The following ARHGEF28 variants were observed in gnomAD, a reference collection of about 807,000 sequenced individuals.
ARHGEF28 encodes the protein 190 kDa guanine nucleotide exchange factor.
In ARHGEF28, 152 loss-of-function variants were observed where a neutral mutation model predicts 206.6. That is an observed-to-expected ratio of 0.74 (90% CI 0.64 to 0.84). ARHGEF28 has a LOEUF of 0.84. Ranked by LOEUF, ARHGEF28 falls within the 40% of genes least tolerant of loss-of-function variation. The pLI is 0.00. For synonymous variants in ARHGEF28, 763 were observed against 776.4 expected, an observed-to-expected ratio of 0.98 and a Z score of 0.29; for missense variants, 2,028 against 2,073.2, an observed-to-expected ratio of 0.98 and a Z score of 0.42.
chr5:73,727,064 T>G (rs1750315744), intron 2 of ARHGEF28, among the ~76,000 whole-genome samples: 1 of 152,236 alleles, frequency 6.6e-6, no homozygotes, highest in African/African-American at 2.4e-5. Context: ...ATTTTTCCTC[T>G]GCAAATATTT....
At chr5:73,867,189 T>C (rs1759760030) in intron 18 of ARHGEF28, among the ~76,000 whole-genome samples, 1 of 152,222 alleles carries the variant, frequency 6.6e-6, no homozygotes, top group South Asian at 2.1e-4. Flanking sequence ...TAAAATGCTT[T>C]GTAATGTCTG....
At position 73,768,428 on chromosome 5, in the gene ARHGEF28, C is replaced by T. The variant is rs1012336469; in HGVS notation, c.476-5427C>T. ...GCTGCCCAAGACCATGGGAAACCAC[C>T]TCTTGCATCAGTGTGACCTGGATAT... On this transcript the variant is annotated intron_variant, in intron 4 of 35. Coordinates refer to ENST00000513042, the MANE Select transcript of ARHGEF28 (RefSeq NM_001177693.2). Among the ~76,000 whole-genome samples the T allele has an allele frequency of 3.4e-4, 51 of 152,190 alleles. 1 individual carries two copies. Among genetic ancestry groups the T allele is most frequent in the African/African-American group, 1.2e-3 (51 of 41,408 alleles).
intron 9 of ARHGEF28, chr5:73,813,548 G>A (rs1323882754): frequency 6.5e-7 from 1 of 1,534,526 alleles, no homozygotes; most frequent in Non-Finnish European, 8.7e-7. Context: ...TTCTTCCTGA[G>A]TCTCTACTGT....
intron 33 of ARHGEF28, among the ~76,000 whole-genome samples, chr5:73,906,784 A>G (rs573200673): frequency 1.3e-5 from 2 of 149,466 alleles, no homozygotes; most frequent in East Asian, 3.9e-4. Flanking sequence ...ATTGTGAATA[A>G]TTTTTTTTTT....
chr5:73,742,661 A>G (rs1009237027), intron 2 of ARHGEF28, among the ~76,000 whole-genome samples: 3 of 150,754 alleles, frequency 2.0e-5, no homozygotes, highest in Non-Finnish European at 3.0e-5. Context: ...CGTCTCTACT[A>G]AAAATACAAA....
At position 73,864,844 on chromosome 5, in the gene ARHGEF28, G is replaced by A. The variant is rs1580004759; in HGVS notation, c.2075G>A (p.Cys692Tyr). ...SNCNANVHKG[C>Y]KDAAPACTKK... ...TGTAATGCAAATGTGCACAAAGGTT[G>A]TAAAGATGCTGCGCCTGCATGCACC... The change falls in exon 17 of 36, where the codon TGT (cysteine) becomes TAT (tyrosine). Residue 692 changes from cysteine to tyrosine, a missense_variant. By Grantham distance (194) the Cys-to-Tyr change is radical. Transcript: ENST00000513042. 6.2e-7 allele frequency: 1 copy of A among 1,613,334 alleles called. No individual in the cohort carries two copies. Among genetic ancestry groups the A allele is most frequent in the South Asian group, 1.1e-5 (1 of 90,942 alleles).
At position 73,864,857 on chromosome 5, in the gene ARHGEF28, G is replaced by A. The variant is rs747221059; in HGVS notation, c.2088G>A (p.Ala696=). Residue 696 remains alanine, a synonymous_variant, in exon 17 of 36, where the codon GCG becomes GCA. Coordinates refer to ENST00000513042, the MANE Select transcript of ARHGEF28 (RefSeq NM_001177693.2). ...ANVHKGCKDA[A]PACTKKFQEK... ...TGCACAAAGGTTGTAAAGATGCTGCGCCTGCATGCACCAAGGTAATTGCTC... is the reference window on the plus strand; with the variant it reads ...TGCACAAAGGTTGTAAAGATGCTGCACCTGCATGCACCAAGGTAATTGCTC... 11 of 1,613,116 alleles carry A rather than the reference G, an allele frequency of 6.8e-6. No individual in the cohort carries two copies. The highest frequency in any genetic ancestry group is 4.5e-5 in the East Asian group (2 of 44,852).
intron 1 of ARHGEF28, among the ~76,000 whole-genome samples, chr5:73,669,442 C>T (rs1746169172): frequency 6.6e-6 from 1 of 152,140 alleles, no homozygotes; most frequent in Admixed American, 6.5e-5. Context: ...GCCCAATTCC[C>T]CCAATGGAAA....
chr5:73,821,625 C>A (rs902743907), intron 9 of ARHGEF28, among the ~76,000 whole-genome samples: 3 of 152,012 alleles, frequency 2.0e-5, no homozygotes, highest in Admixed American at 1.3e-4. Flanking sequence ...TTGTCAGAGT[C>A]CGCCGCTTCA....
intron 9 of ARHGEF28, among the ~76,000 whole-genome samples, chr5:73,820,250 T>C (rs1756486840): frequency 6.6e-6 from 1 of 152,200 alleles, no homozygotes. Context: ...TCTGATACAA[T>C]AATGTAAATA....
At chr5:73,821,173 GA>G (rs1356057694) in intron 9 of ARHGEF28, among the ~76,000 whole-genome samples, 15 of 152,010 alleles carry the variant, frequency 9.9e-5, no homozygotes, top group Non-Finnish European at 7.4e-5. Flanking sequence ...CAGGATTCAG[GA>G]ATTAAGTAGG....
chr5:73,883,998 G>A lies in ARHGEF28; in HGVS notation c.3055+114G>A, dbSNP rs1761114190. The stretch of plus-strand genomic sequence containing the variant: ...GTCTCTGATTCATAAAGAGTTTCAC[G>A]ACGGAGAAACTGTTAAAGCCTTAGA... On this transcript the variant is annotated intron_variant, in intron 24 of 35. Coordinates refer to ENST00000513042, the MANE Select transcript of ARHGEF28 (RefSeq NM_001177693.2). 5 of 519,168 alleles carry A rather than the reference G, an allele frequency of 9.6e-6. No individual in the cohort carries two copies. In the East Asian group the frequency reaches 1.7e-4, roughly 18 times the overall value. The allele number at this position is 519,168 out of a possible 1,614,324, so 32.2% of individuals were successfully genotyped here.
At chr5:73,657,342 T>G (rs192025908) in intron 1 of ARHGEF28, among the ~76,000 whole-genome samples, 16 of 152,376 alleles carry the variant, frequency 1.1e-4, no homozygotes, top group Middle Eastern at 3.4e-3. Flanking sequence ...CTTCTTTGCT[T>G]TTTAACTTGT....
At chr5:73,874,788 T>C (rs1760348359) in intron 22 of ARHGEF28, among the ~76,000 whole-genome samples, 2 of 149,512 alleles carry the variant, frequency 1.3e-5, no homozygotes, top group Non-Finnish European at 3.0e-5. Context: ...ATGGTGTATA[T>C]GTGCCACATT....
intron 35 of ARHGEF28, among the ~76,000 whole-genome samples, chr5:73,932,052 T>A (rs1764156374): frequency 6.6e-6 from 1 of 152,218 alleles, no homozygotes; most frequent in South Asian, 2.1e-4. Context: ...TGTAAAAGGT[T>A]AGTGTTCTAA....
chr5:73,939,504 C>G (rs2112065859), intron 35 of ARHGEF28, among the ~76,000 whole-genome samples: 1 of 152,342 alleles, frequency 6.6e-6, no homozygotes, highest in South Asian at 2.1e-4. Context: ...TTCCTCCCCT[C>G]CCCTGCCTTG....
chr5:73,684,916 A>T (rs1747355666), intron 2 of ARHGEF28, 32 bp downstream of exon 2: 6 of 1,609,062 alleles, frequency 3.7e-6, no homozygotes, highest in Non-Finnish European at 5.1e-6. Context: ...TTCAGGTCCA[A>T]GGGGCCCTTT....
intron 1 of ARHGEF28, among the ~76,000 whole-genome samples, chr5:73,677,730 C>A (rs760612619): frequency 6.6e-6 from 1 of 152,192 alleles, no homozygotes; most frequent in Non-Finnish European, 1.5e-5. Flanking sequence ...ATTTGGGGAA[C>A]AAACTTAAAA....
intron 2 of ARHGEF28, among the ~76,000 whole-genome samples, chr5:73,737,596 C>T (rs1751074580): frequency 6.6e-6 from 1 of 151,468 alleles, no homozygotes; most frequent in Non-Finnish European, 1.5e-5. Flanking sequence ...ACTGCAACCT[C>T]TGCCTCCCGG....
Sources: allele counts gnomAD v4.1 joint callset (sites outside exome capture counted in the v4.1 genomes callset), GRCh38; gene constraint gnomAD v4.1.1; transcripts MANE v1.5; gene names NCBI Gene and HGNC (gene_info 2026-07-23, HGNC 2026-07-21).